Variants in SLC8A1 observed in about 807,000 individuals in gnomAD.
SLC8A1 encodes the protein sodium/calcium exchanger 1.
In SLC8A1, 18 loss-of-function variants were observed where a neutral mutation model predicts 68.3. The ratio of observed to expected loss-of-function variants is 0.26; its 90% confidence interval spans 0.18 to 0.39. SLC8A1 has a LOEUF of 0.39. SLC8A1 is among the 10% of genes least tolerant of loss of function. The pLI is 1.00. For synonymous variants in SLC8A1, 475 were observed against 415.5 expected, an observed-to-expected ratio of 1.14 and a Z score of -1.74; for missense variants, 985 against 1,156.7, an observed-to-expected ratio of 0.85 and a Z score of 2.15.
intron 1 of SLC8A1, among the ~76,000 whole-genome samples, chr2:40,473,158 T>TCC (rs1704091700): frequency 6.6e-6 from 1 of 151,878 alleles, no homozygotes; most frequent in African/African-American, 2.4e-5. Context: ...AGACCTGAGA[T>TCC]ACAGAGGACC....
intron 2 of SLC8A1, among the ~76,000 whole-genome samples, chr2:40,303,985 C>T (rs969965875): frequency 1.3e-5 from 2 of 152,150 alleles, no homozygotes; most frequent in Admixed American, 6.5e-5. Context: ...GTGACAGGCA[C>T]CCGGATCAAC....
chr2:40,400,070 G>A (rs1161085683), intron 2 of SLC8A1, among the ~76,000 whole-genome samples: 3 of 152,100 alleles, frequency 2.0e-5, no homozygotes, highest in African/African-American at 4.8e-5. Context: ...TCACGTACCC[G>A]CTGCTTGCTC....
At chr2:40,235,585 G>T (rs1180961503) in intron 2 of SLC8A1, among the ~76,000 whole-genome samples, 2 of 151,782 alleles carry the variant, frequency 1.3e-5, no homozygotes, top group African/African-American at 2.4e-5. Flanking sequence ...AGGGTTTTTG[G>T]TGTCTCTATT....
intron 2 of SLC8A1, among the ~76,000 whole-genome samples, chr2:40,294,402 T>C (rs2069930132): frequency 6.6e-6 from 1 of 152,136 alleles, no homozygotes; most frequent in South Asian, 2.1e-4. Context: ...GTAAAGTAAG[T>C]TGTAGGGGAC....
At chr2:40,139,741 A>T (rs745364651) in intron 6 of SLC8A1, 65 bp from the exon 10 acceptor site, 13 of 1,534,756 alleles carry the variant, frequency 8.5e-6, no homozygotes, top group Admixed American at 7.0e-5. Context: ...CTCTCTCTCA[A>T]TCTCTCCTAT....
intron 1 of SLC8A1, among the ~76,000 whole-genome samples, chr2:40,435,266 A>G (rs533589198): frequency 6.6e-6 from 1 of 152,270 alleles, no homozygotes; most frequent in South Asian, 2.1e-4. Flanking sequence ...ATCCTTATCC[A>G]CTACCAAGGC....
At chr2:40,464,808 T>A in intron 1 of SLC8A1, among the ~76,000 whole-genome samples, 1 of 152,102 alleles carries the variant, frequency 6.6e-6, no homozygotes, top group East Asian at 1.9e-4. Flanking sequence ...TGGTCACATG[T>A]AAGTTCCCCC....
At chr2:40,235,350 T>G (rs577590076) in intron 2 of SLC8A1, among the ~76,000 whole-genome samples, 73 of 152,160 alleles carry the variant, frequency 4.8e-4, no homozygotes, top group African/African-American at 1.7e-3. Flanking sequence ...GTCGAGGAAT[T>G]TATCCATTTC....
At chr2:40,291,573 T>C (rs1217273256) in intron 2 of SLC8A1, among the ~76,000 whole-genome samples, 1 of 151,840 alleles carries the variant, frequency 6.6e-6, no homozygotes, top group Non-Finnish European at 1.5e-5. Context: ...GAAAGAGGAG[T>C]GGACCTCTAT....
intron 1 of SLC8A1, among the ~76,000 whole-genome samples, chr2:40,464,256 T>C (rs1018179475): frequency 1.3e-5 from 2 of 152,138 alleles, no homozygotes; most frequent in African/African-American, 4.8e-5. Context: ...TTCAGAGAGA[T>C]TCCCTAAAGA....
At chr2:40,395,515 A>G (rs1459593651) in intron 2 of SLC8A1, among the ~76,000 whole-genome samples, 2 of 152,084 alleles carry the variant, frequency 1.3e-5, no homozygotes, top group Admixed American at 6.6e-5. Flanking sequence ...GGTGTTCCAT[A>G]ACTCTGTCTG....
intron 1 of SLC8A1, among the ~76,000 whole-genome samples, 197 bp downstream of exon 1, chr2:40,451,707 A>T: frequency 6.6e-6 from 1 of 150,806 alleles, no homozygotes; most frequent in African/African-American, 2.4e-5. Flanking sequence ...GCGGACACCC[A>T]GAAAAATGTG....
chr2:40,306,429 A>G (rs2072607695), intron 2 of SLC8A1, among the ~76,000 whole-genome samples: 1 of 146,536 alleles, frequency 6.8e-6, no homozygotes, highest in Non-Finnish European at 1.5e-5. Flanking sequence ...GCATTTAAGG[A>G]TAAATAAAAA....
At chr2:40,303,846 G>A (rs991225093) in intron 2 of SLC8A1, among the ~76,000 whole-genome samples, 4 of 152,152 alleles carry the variant, frequency 2.6e-5, no homozygotes, top group African/African-American at 7.2e-5. Context: ...GTAACGTGAA[G>A]CAGGAAAAGG....
chr2:40,305,844 T>C (rs1401672873), intron 2 of SLC8A1, among the ~76,000 whole-genome samples: 1 of 152,160 alleles, frequency 6.6e-6, no homozygotes, highest in Non-Finnish European at 1.5e-5. Context: ...TTAAAATAAA[T>C]ATATTTTGTG....
At chr2:40,429,699 C>A in exon 2 of SLC8A1, 1 of 1,613,870 alleles carries the variant, frequency 6.2e-7, no homozygotes, top group South Asian at 1.1e-5. Context: ...TCTTCCTTGT[C>A]TCTCCGTCAG....
intron 2 of SLC8A1, among the ~76,000 whole-genome samples, chr2:40,387,643 T>TG (rs1683983953): frequency 6.6e-6 from 1 of 151,248 alleles, no homozygotes. Context: ...GATATTAACT[T>TG]GGGGTACTTA....
intron 2 of SLC8A1, among the ~76,000 whole-genome samples, chr2:40,289,421 A>C (rs1246719037): frequency 6.6e-6 from 1 of 152,102 alleles, no homozygotes; most frequent in Non-Finnish European, 1.5e-5. Context: ...AACCTTAACA[A>C]CTTTCTTGCC....
At chr2:40,511,346 C>A (rs766713435) in intron 1 of SLC8A1, among the ~76,000 whole-genome samples, 1 of 151,980 alleles carries the variant, frequency 6.6e-6, no homozygotes, top group Non-Finnish European at 1.5e-5. Context: ...ATAATTTTTT[C>A]TCTTGACTTT....
Sources: allele counts gnomAD v4.1 joint callset (sites outside exome capture counted in the v4.1 genomes callset), GRCh38; gene constraint gnomAD v4.1.1; transcripts MANE v1.5; gene names NCBI Gene and HGNC (gene_info 2026-07-23, HGNC 2026-07-21).